The following CNBD1 variants were observed in gnomAD, a reference collection of about 807,000 sequenced individuals.
CNBD1 encodes the protein cyclic nucleotide binding domain containing 1.
In CNBD1, 71 loss-of-function variants were observed where a neutral mutation model predicts 54.4. The ratio of observed to expected loss-of-function variants is 1.30; its 90% CI spans 1.08 to 1.59. The LOEUF is 1.59. Among genes scored for constraint, CNBD1 ranks in the 40% most tolerant of loss-of-function variants. The pLI is 0.00. For missense variants in CNBD1, 659 were observed against 518.0 expected, an observed-to-expected ratio of 1.27 and a Z score of -2.64; for synonymous variants, 182 against 170.7, an observed-to-expected ratio of 1.07 and a Z score of -0.51.
At chr8:87,229,722 C>A (rs1463043119) in intron 5 of CNBD1, among the ~76,000 whole-genome samples, 1 of 151,490 alleles carries the variant, frequency 6.6e-6, no homozygotes, top group Non-Finnish European at 1.5e-5. Context: ...TTTTATTCTC[C>A]CCTAGTACAT....
intron 5 of CNBD1, among the ~76,000 whole-genome samples, chr8:87,224,529 G>T (rs1416070377): frequency 6.6e-6 from 1 of 150,996 alleles, no homozygotes; most frequent in Non-Finnish European, 1.5e-5. Context: ...TTTTTCTCAG[G>T]TTTGTCAAAG....
intron 8 of CNBD1, among the ~76,000 whole-genome samples, chr8:87,295,509 G>A (rs913000729): frequency 2.5e-4 from 38 of 151,960 alleles, no homozygotes; most frequent in Admixed American, 2.1e-3. Flanking sequence ...AAGTAGATAA[G>A]ATAAAATTAA....
intron 6 of CNBD1, among the ~76,000 whole-genome samples, chr8:87,262,356 G>T (rs550678628): frequency 2.0e-5 from 3 of 152,124 alleles, no homozygotes; most frequent in African/African-American, 7.2e-5. Flanking sequence ...TTAATTTTAT[G>T]TGTCAACTTG....
intron 4 of CNBD1, among the ~76,000 whole-genome samples, chr8:87,161,203 CAT>C (rs1398533079): frequency 6.6e-6 from 1 of 152,006 alleles, no homozygotes; most frequent in Non-Finnish European, 1.5e-5. Flanking sequence ...GTTACCTTCA[CAT>C]ATGTTTTCTA....
At chr8:87,396,124 G>T (rs913462838) in intron 2 of CNBD1, among the ~76,000 whole-genome samples, 1 of 151,860 alleles carries the variant, frequency 6.6e-6, no homozygotes, top group Admixed American at 6.6e-5. Flanking sequence ...TCTAATGAAT[G>T]ACTATGTATA....
chr8:87,334,327 G>T, intron 8 of CNBD1, among the ~76,000 whole-genome samples: 1 of 151,800 alleles, frequency 6.6e-6, no homozygotes, highest in African/African-American at 2.4e-5. Flanking sequence ...AAAAAAAACA[G>T]CTCCTGGATT....
chr8:87,240,275 C>A (rs551850750), intron 6 of CNBD1, among the ~76,000 whole-genome samples: 1 of 152,064 alleles, frequency 6.6e-6, no homozygotes, highest in South Asian at 2.1e-4. Flanking sequence ...ATTAAAAGAA[C>A]TTTCTAGTTT....
chr8:87,345,248 C>T (rs948835356), intron 8 of CNBD1, among the ~76,000 whole-genome samples: 1 of 152,182 alleles, frequency 6.6e-6, no homozygotes, highest in Non-Finnish European at 1.5e-5. Context: ...TTAGATTCAA[C>T]ATAGTGCTAG....
At chr8:86,961,020 A>G (rs925204220) in intron 4 of CNBD1, among the ~76,000 whole-genome samples, 3 of 152,226 alleles carry the variant, frequency 2.0e-5, no homozygotes, top group Non-Finnish European at 4.4e-5. Flanking sequence ...TCTGACTTGC[A>G]TAATTTAGAC....
chr8:86,912,216 C>A (rs2131815865), intron 3 of CNBD1, among the ~76,000 whole-genome samples: 1 of 152,188 alleles, frequency 6.6e-6, no homozygotes, highest in South Asian at 2.1e-4. Context: ...TTCAGATTAA[C>A]TTTAACAATG....
intron 5 of CNBD1, among the ~76,000 whole-genome samples, chr8:87,226,064 T>A (rs901461225): frequency 2.0e-5 from 3 of 152,110 alleles, no homozygotes; most frequent in Non-Finnish European, 2.9e-5. Flanking sequence ...GTAGTTTGTA[T>A]TTCTGTGGGA....
intron 6 of CNBD1, among the ~76,000 whole-genome samples, chr8:87,241,178 GTT>G: frequency 1.3e-5 from 2 of 151,104 alleles, no homozygotes; most frequent in South Asian, 4.2e-4. Flanking sequence ...AGTTGAAGGA[GTT>G]TGTACTCATT....
At chr8:87,076,083 A>T (rs1313218122) in intron 4 of CNBD1, among the ~76,000 whole-genome samples, 3 of 152,250 alleles carry the variant, frequency 2.0e-5, no homozygotes, top group African/African-American at 7.2e-5. Flanking sequence ...TTTCTGAAAT[A>T]GTGCAGATGG....
intron 4 of CNBD1, among the ~76,000 whole-genome samples, chr8:87,061,435 T>C (rs1238734503): frequency 6.6e-6 from 1 of 152,228 alleles, no homozygotes; most frequent in African/African-American, 2.4e-5. Flanking sequence ...ATTTACTTTT[T>C]TCCTTCTGAA....
rs562624122 is a variant in CNBD1 at position 87,030,812 on chromosome 8, A to G, written c.431+91058A>G. On this transcript the variant is annotated intron_variant, in intron 4 of 10. Coordinates refer to ENST00000518476, the MANE Select transcript of CNBD1 (RefSeq NM_173538.3). The stretch of plus-strand genomic sequence containing the variant: ...AGGCAGAAAGGGAAAGGGTGATGAC[A>G]GCCATGTCTCCTCCTCCCCTTCTCC... Among the ~76,000 whole-genome samples the G allele has an allele frequency of 4.7e-5, 7 of 149,582 alleles. No homozygotes were observed. The South Asian group carries it at 1.5e-3, about 32-fold the overall frequency.
chr8:87,201,715 AG>A (rs1392302180), intron 4 of CNBD1, among the ~76,000 whole-genome samples: 1 of 152,194 alleles, frequency 6.6e-6, no homozygotes, highest in African/African-American at 2.4e-5. Context: ...AGACGGTCCA[AG>A]TAAATGAAAA....
At chr8:87,223,749 A>G (rs1359177415) in intron 5 of CNBD1, among the ~76,000 whole-genome samples, 3 of 151,944 alleles carry the variant, frequency 2.0e-5, no homozygotes, top group Admixed American at 2.0e-4. Flanking sequence ...TCCTTTGGGT[A>G]TATACCCAGT....
chr8:87,196,247 A>T (rs1813720568), intron 4 of CNBD1, among the ~76,000 whole-genome samples: 1 of 152,192 alleles, frequency 6.6e-6, no homozygotes, highest in African/African-American at 2.4e-5. Context: ...ATTTAAATTG[A>T]ACAGAAATTG....
chr8:87,395,568 C>A (rs13252829), intron 2 of CNBD1, among the ~76,000 whole-genome samples: 40,765 of 151,648 alleles, frequency 0.27, 6,427 homozygotes, highest in Middle Eastern at 0.41. Flanking sequence ...AACAGTGGTA[C>A]TAAACCTTTG....
Sources: gnomAD v4.1 joint callset for allele counts (sites outside exome capture counted in the v4.1 genomes callset) on GRCh38, gnomAD v4.1.1 for gene constraint, MANE v1.5 for transcripts, NCBI Gene and HGNC (gene_info 2026-07-23, HGNC 2026-07-21) for gene names.